Variants in TMEM178B observed in about 807,000 individuals in gnomAD.
TMEM178B encodes the protein transmembrane protein 178B.
TMEM178B carries 5 observed loss-of-function variants against 31.0 expected under a neutral mutation model. That is an observed-to-expected ratio of 0.16 (90% CI 0.08 to 0.34). TMEM178B has a LOEUF of 0.34. Among genes scored for constraint, TMEM178B ranks in the 10% least tolerant of loss-of-function variants. TMEM178B has a pLI of 1.00. For missense variants in TMEM178B, 275 were observed against 400.3 expected (o/e 0.69, Z 2.67); for synonymous variants, 164 against 164.0 (o/e 1.00, Z 0.00).
the TMEM178B span, among the ~76,000 whole-genome samples, chr7:141,497,402 C>T: frequency 2.4e-4 from 36 of 152,302 alleles, no homozygotes; most frequent in African/African-American, 8.7e-4. Context: ...CCTTTAGCAA[C>T]CCAAATTCCT....
At chr7:141,438,984 C>A (rs1038445837) in intron 3 of TMEM178B, among the ~76,000 whole-genome samples, 6 of 152,058 alleles carry the variant, frequency 3.9e-5, no homozygotes, top group Non-Finnish European at 7.4e-5. Flanking sequence ...GTAGCAAACA[C>A]CCAACTCAGG....
chr7:141,249,659 C>T (rs866516630), intron 2 of TMEM178B, among the ~76,000 whole-genome samples: 1 of 151,472 alleles, frequency 6.6e-6, no homozygotes, highest in African/African-American at 2.4e-5. Context: ...AAAAGGGGCT[C>T]ATGTGCCTGG....
intron 2 of TMEM178B, among the ~76,000 whole-genome samples, chr7:141,291,050 G>A (rs1316117474): frequency 6.6e-6 from 1 of 152,210 alleles, no homozygotes; most frequent in Non-Finnish European, 1.5e-5. Flanking sequence ...AGGTAAAATT[G>A]TCAGCAGGAC....
chr7:141,500,706 G>A, the TMEM178B span, among the ~76,000 whole-genome samples: 1 of 152,194 alleles, frequency 6.6e-6, no homozygotes, highest in Non-Finnish European at 1.5e-5. Flanking sequence ...GCCAAATTTA[G>A]TATTGCCTGA....
rs1245284694 is a variant in TMEM178B, at chr7:141,245,193, AAAAAAAAAAAAAAAAAAG to A, written c.496+32492_496+32509del. Among the ~76,000 whole-genome samples the A allele has an allele frequency of 6.4e-5, 8 of 125,100 alleles. 2 individuals are homozygous for A. The highest frequency in any genetic ancestry group is 2.6e-4 in the African/African-American group (8 of 30,406). 82.1% of individuals were successfully genotyped at this position (125,100 alleles called of 152,430 possible). A position where few individuals can be genotyped will look rare whatever the true frequency, so the allele number is the denominator to read the frequency against. On this transcript the variant is annotated intron_variant, in intron 2 of 3. Transcript: ENST00000565468. Reference sequence around the variant, plus strand: ...ACCAAAAAAAAAAAAAAAAAAAAAAAAAAAAAAAAAAAAAAAAGAAGGATGCACAGGGGAGGTAGGAGG... The same window carrying A: ...ACCAAAAAAAAAAAAAAAAAAAAAAAAAGGATGCACAGGGGAGGTAGGAGG...
At chr7:141,247,176 G>T (rs1359499329) in intron 2 of TMEM178B, among the ~76,000 whole-genome samples, 1 of 146,682 alleles carries the variant, frequency 6.8e-6, no homozygotes, top group Non-Finnish European at 1.5e-5. Context: ...TTTATACATA[G>T]ATATCTCTCT....
At position 141,075,137 on chromosome 7, in the gene TMEM178B, C is replaced by T. The variant is rs1794579469; in HGVS notation, c.382+445C>T. On this transcript the variant is annotated intron_variant, in intron 1 of 3. Transcript: ENST00000565468. ...TTTCACAGAGAAGGCCTTATTCATACCAGAAACGTTTGCTGAGCGCTATAC... is the reference window on the plus strand; with the variant it reads ...TTTCACAGAGAAGGCCTTATTCATATCAGAAACGTTTGCTGAGCGCTATAC... Among the ~76,000 whole-genome samples the T allele has an allele frequency of 2.0e-5, 3 of 152,268 alleles. No homozygotes were observed. In the South Asian group the frequency reaches 6.2e-4, roughly 32 times the overall value.
At chr7:141,500,558 C>A in the TMEM178B span, among the ~76,000 whole-genome samples, 5 of 152,216 alleles carry the variant, frequency 3.3e-5, no homozygotes, top group African/African-American at 1.2e-4. Flanking sequence ...GGTCACATAG[C>A]TGGTTGCAGC....
chr7:141,227,908 C>T (rs1268766123), intron 2 of TMEM178B, among the ~76,000 whole-genome samples: 1 of 152,174 alleles, frequency 6.6e-6, no homozygotes, highest in African/African-American at 2.4e-5. Context: ...AGACATTTAT[C>T]AGCACTAACT....
At chr7:141,425,883 C>T (rs1256299038) in intron 2 of TMEM178B, among the ~76,000 whole-genome samples, 1 of 152,122 alleles carries the variant, frequency 6.6e-6, no homozygotes, top group African/African-American at 2.4e-5. Flanking sequence ...ACCCAGAAAC[C>T]ACTTCTTGTT....
intron 2 of TMEM178B, among the ~76,000 whole-genome samples, chr7:141,253,544 C>CCT (rs1797869282): frequency 1.1e-4 from 8 of 70,032 alleles, no homozygotes; most frequent in African/African-American, 4.4e-4. Context: ...ATTTTCCCTT[C>CCT]TTTTTTTTTT....
At chr7:141,192,562 C>A (rs536491017) in intron 1 of TMEM178B, among the ~76,000 whole-genome samples, 1 of 151,308 alleles carries the variant, frequency 6.6e-6, no homozygotes, top group Non-Finnish European at 1.5e-5. Flanking sequence ...GATCTTGGCT[C>A]GTTGCCAAGC....
At chr7:141,409,905 T>C (rs1586941811) in intron 2 of TMEM178B, among the ~76,000 whole-genome samples, 1 of 152,162 alleles carries the variant, frequency 6.6e-6, no homozygotes, top group East Asian at 1.9e-4. Context: ...AAACTCACCC[T>C]TTCTTCCTTG....
chr7:141,100,394 A>G (rs935561414), intron 1 of TMEM178B, among the ~76,000 whole-genome samples: 1 of 152,230 alleles, frequency 6.6e-6, no homozygotes, highest in South Asian at 2.1e-4. Flanking sequence ...GTAAACACTC[A>G]TACACATTTC....
intron 1 of TMEM178B, among the ~76,000 whole-genome samples, chr7:141,125,570 A>G (rs1795478109): frequency 6.6e-6 from 1 of 151,754 alleles, no homozygotes. Flanking sequence ...AATCCCAGCT[A>G]CTTAGGAGGC....
intron 2 of TMEM178B, among the ~76,000 whole-genome samples, chr7:141,386,774 A>C (rs1400303144): frequency 1.3e-5 from 2 of 152,170 alleles, no homozygotes; most frequent in Non-Finnish European, 2.9e-5. Context: ...ACTCTGGCTA[A>C]TTTAATCAAG....
Position 141,437,589 on chromosome 7 carries a change from C to T in TMEM178B, c.497-19C>T. The T allele has an allele frequency of 6.5e-7, 1 of 1,535,538 alleles. No individual in the cohort carries two copies. Among genetic ancestry groups the T allele is most frequent in the East Asian group, 2.4e-5 (1 of 40,898 alleles). On this transcript the variant is annotated intron_variant, in intron 2 of 3. Coordinates refer to ENST00000565468, the MANE Select transcript of TMEM178B (RefSeq NM_001195278.2). The stretch of plus-strand genomic sequence containing the variant: ...TCCCAGGCTCTGCTGCTGACTGTTG[C>T]TCGCCTGCTTCCCCACAGACCTGCG...
At chr7:141,339,277 T>C (rs984983241) in intron 2 of TMEM178B, among the ~76,000 whole-genome samples, 6 of 152,058 alleles carry the variant, frequency 3.9e-5, no homozygotes, top group Admixed American at 6.6e-5. Context: ...ACAGCTCACA[T>C]AGCCAGGAGG....
intron 2 of TMEM178B, among the ~76,000 whole-genome samples, chr7:141,398,525 C>G (rs1257414025): frequency 3.9e-5 from 6 of 152,212 alleles, no homozygotes; most frequent in Non-Finnish European, 5.9e-5. Flanking sequence ...CTCTGTTTCT[C>G]TCTTTCCCAC....
Sources: gnomAD v4.1 joint callset for allele counts (sites outside exome capture counted in the v4.1 genomes callset) on GRCh38, gnomAD v4.1.1 for gene constraint, MANE v1.5 for transcripts, NCBI Gene and HGNC (gene_info 2026-07-23, HGNC 2026-07-21) for gene names.